Variants in PTPRT observed in about 807,000 individuals in gnomAD.
PTPRT encodes the protein protein tyrosine phosphatase receptor type T.
PTPRT carries 56 observed loss-of-function variants against 176.8 expected under a neutral mutation model. That is an observed-to-expected ratio of 0.32 (90% confidence interval 0.26 to 0.40). The LOEUF (loss-of-function observed/expected upper bound fraction) is 0.40, where lower values mean the gene tolerates loss of function less well. Ranked by LOEUF, PTPRT falls within the 10% of genes least tolerant of loss-of-function variation. The pLI, the probability that PTPRT is intolerant of heterozygous loss-of-function variation, is 1.00. For missense variants in PTPRT, 1,540 were observed against 1,908.2 expected, an observed-to-expected ratio of 0.81 and a Z score of 3.60; for synonymous variants, 783 against 739.0, an observed-to-expected ratio of 1.06 and a Z score of -0.96.
intron 2 of PTPRT, among the ~76,000 whole-genome samples, chr20:42,840,229 T>C (rs1407214729): frequency 6.6e-6 from 1 of 152,006 alleles, no homozygotes; most frequent in Non-Finnish European, 1.5e-5. Context: ...TTGTCACGTT[T>C]TTCTCCATGT....
chr20:42,639,528 C>G (rs983195264), intron 7 of PTPRT, among the ~76,000 whole-genome samples: 1 of 152,070 alleles, frequency 6.6e-6, no homozygotes, highest in Non-Finnish European at 1.5e-5. Flanking sequence ...ATTCCTTTCA[C>G]GAATCATTTT....
intron 21 of PTPRT, among the ~76,000 whole-genome samples, chr20:42,117,585 G>A (rs189936123): frequency 1.3e-5 from 2 of 152,290 alleles, no homozygotes; most frequent in Non-Finnish European, 2.9e-5. Context: ...GGGTAGCAAA[G>A]GGTTGGATGC....
rs555051397 is a variant in PTPRT, at chr20:42,906,522, T to C, written c.89-20590A>G. 6.6e-5 allele frequency among the ~76,000 whole-genome samples: 10 copies of C among 152,302 alleles called. No homozygotes were observed. In the South Asian group the frequency reaches 1.7e-3, roughly 25 times the overall value. ...TACAGAAAGCCCTCTGTCCTTGCAA[T>C]AAGGCAGGGGGTCTAGTTGAGCTGA... On this transcript the variant is annotated intron_variant, in intron 1 of 30. Transcript: ENST00000373187.
intron 1 of PTPRT, among the ~76,000 whole-genome samples, chr20:42,962,676 A>G (rs1482902613): frequency 6.6e-6 from 1 of 152,216 alleles, no homozygotes; most frequent in Non-Finnish European, 1.5e-5. Flanking sequence ...TTTATGGAAG[A>G]AGCAGAAAAG....
intron 9 of PTPRT, among the ~76,000 whole-genome samples, chr20:42,382,712 G>A (rs948324791): frequency 6.6e-6 from 1 of 152,148 alleles, no homozygotes; most frequent in Non-Finnish European, 1.5e-5. Context: ...GGTGGGGGGT[G>A]TAAGAGGAAC....
chr20:42,278,073 CTATATA>C (rs777694770), intron 13 of PTPRT, among the ~76,000 whole-genome samples: 92 of 39,184 alleles, frequency 2.3e-3, no homozygotes, highest in Non-Finnish European at 2.6e-3. Flanking sequence ...TGTAAGTAGA[CTATATA>C]TATATATATA....
downstream of PTPRT, among the ~76,000 whole-genome samples, chr20:42,071,785 T>C (rs1234205770): frequency 2.0e-5 from 3 of 152,116 alleles, no homozygotes; most frequent in Non-Finnish European, 4.4e-5. Context: ...GCCTCCTGAG[T>C]AACTGGGACT....
At chr20:42,841,608 AATAC>A (rs1465963729) in intron 2 of PTPRT, among the ~76,000 whole-genome samples, 1 of 111,560 alleles carries the variant, frequency 9.0e-6, no homozygotes, top group East Asian at 2.5e-4. Flanking sequence ...TTTAGTGTTA[AATAC>A]ACACACACAC....
At chr20:42,361,226 C>T (rs528995634) in intron 9 of PTPRT, among the ~76,000 whole-genome samples, 39 of 152,266 alleles carry the variant, frequency 2.6e-4, no homozygotes, top group Non-Finnish European at 5.3e-4. Flanking sequence ...CATGCCTGTC[C>T]GGCACAGAGT....
intron 6 of PTPRT, among the ~76,000 whole-genome samples, chr20:42,744,680 T>C (rs538998847): frequency 9.8e-5 from 15 of 152,308 alleles, no homozygotes; most frequent in African/African-American, 3.6e-4. Flanking sequence ...CAGGCCTGCT[T>C]AGCAGACAAT....
chr20:42,749,634 C>T lies in PTPRT; in HGVS notation c.859+6828G>A, dbSNP rs1341363263. On this transcript the variant is annotated intron_variant, in intron 6 of 30. Transcript: ENST00000373187. ...GCTAACAGCACCTACGTCATAGGGC[C>T]ATTGTTAGGATTAGGGAGGTAGTGT... Among the ~76,000 whole-genome samples the T allele has an allele frequency of 5.3e-5, 8 of 152,160 alleles. No individual in the cohort carries two copies. The South Asian group carries it at 1.2e-3, about 24-fold the overall frequency.
intron 1 of PTPRT, among the ~76,000 whole-genome samples, chr20:43,094,513 C>G (rs1211165415): frequency 6.6e-6 from 1 of 150,860 alleles, no homozygotes; most frequent in Non-Finnish European, 1.5e-5. Flanking sequence ...ATTCTCCTGC[C>G]TCAGCCTCCT....
intron 9 of PTPRT, among the ~76,000 whole-genome samples, chr20:42,375,991 G>T (rs527961825): frequency 6.6e-6 from 1 of 152,226 alleles, no homozygotes; most frequent in East Asian, 1.9e-4. Context: ...AGGATATAAA[G>T]ATAGCAAAAT....
At chr20:42,823,389 G>A (rs531969664) in intron 2 of PTPRT, among the ~76,000 whole-genome samples, 55 of 152,180 alleles carry the variant, frequency 3.6e-4, no homozygotes, top group Non-Finnish European at 5.6e-4. Flanking sequence ...GCCTGTTGAG[G>A]GGTGGCAGGG....
At chr20:42,803,519 G>T (rs2077560900) in intron 2 of PTPRT, among the ~76,000 whole-genome samples, 1 of 152,208 alleles carries the variant, frequency 6.6e-6, no homozygotes. Flanking sequence ...CAGCACTGTA[G>T]CATGGGTCCA....
At chr20:42,706,436 T>G (rs1351900563) in intron 6 of PTPRT, among the ~76,000 whole-genome samples, 1 of 151,990 alleles carries the variant, frequency 6.6e-6, no homozygotes, top group African/African-American at 2.4e-5. Context: ...CCTTGATTAG[T>G]GGATGTACTA....
At chr20:42,705,902 T>TGGG (rs2076047322) in intron 6 of PTPRT, among the ~76,000 whole-genome samples, 2 of 152,186 alleles carry the variant, frequency 1.3e-5, no homozygotes, top group Non-Finnish European at 2.9e-5. Context: ...TTATGAACAT[T>TGGG]ACTCTTACTA....
chr20:42,614,663 A>C (rs947473669), intron 7 of PTPRT, among the ~76,000 whole-genome samples: 1 of 152,174 alleles, frequency 6.6e-6, no homozygotes, highest in African/African-American at 2.4e-5. Flanking sequence ...TCCCAAAAGA[A>C]TGTTCTGACC....
chr20:42,324,488 T>G (rs1222285692), intron 11 of PTPRT, among the ~76,000 whole-genome samples: 1 of 152,220 alleles, frequency 6.6e-6, no homozygotes, highest in Non-Finnish European at 1.5e-5. Context: ...AATTGTACAC[T>G]TAACATAGGT....
Sources: allele counts gnomAD v4.1 joint callset (sites outside exome capture counted in the v4.1 genomes callset), GRCh38; gene constraint gnomAD v4.1.1; transcripts MANE v1.5; gene names NCBI Gene and HGNC (gene_info 2026-07-23, HGNC 2026-07-21).